Variants in CA10 observed in about 807,000 individuals in gnomAD.
The protein encoded by CA10 is carbonic anhydrase 10 (inactive), also known as carbonic anhydrase-related protein 10.
In CA10, 14 loss-of-function variants were observed where a neutral mutation model predicts 44.2. The observed-to-expected ratio is 0.32, with a 90% CI of 0.21 to 0.50. CA10 has a LOEUF of 0.50. Among genes scored for constraint, CA10 ranks in the 20% least tolerant of loss-of-function variants. The pLI, the probability that CA10 is intolerant of heterozygous loss-of-function variation, is 0.99. For missense variants in CA10, 350 were observed against 409.7 expected (o/e 0.85, Z 1.26); for synonymous variants, 159 against 141.6 (o/e 1.12, Z -0.87).
chr17:51,646,866 C>T lies in CA10; in HGVS notation c.634+2316G>A, dbSNP rs1329119458. Among the ~76,000 whole-genome samples, 3 of 152,216 alleles carry T rather than the reference C, an allele frequency of 2.0e-5. No homozygotes were observed. In the East Asian group the frequency reaches 5.8e-4, roughly 29 times the overall value. On this transcript the variant is annotated intron_variant, in intron 6 of 8. Transcript: ENST00000451037. ...CATCATTATTCCTGCAGTGCTGCTC[C>T]CTTCAGGTATGTGACAAAGGTCACT...
chr17:52,055,897 T>C (rs964504847), intron 2 of CA10, among the ~76,000 whole-genome samples: 1 of 152,094 alleles, frequency 6.6e-6, no homozygotes, highest in Admixed American at 6.6e-5. Flanking sequence ...CATAAAAGTA[T>C]TTATAATTGA....
Position 51,853,233 on chromosome 17 carries a change from G to A in CA10, c.279+77757C>T, listed in dbSNP as rs530593382. On this transcript the variant is annotated intron_variant, in intron 3 of 8. Coordinates refer to ENST00000451037, the MANE Select transcript of CA10 (RefSeq NM_020178.5). ...CTGCATAATAAACCCCACAGAAACTGCTAATCAGGAGTGGGGTGATTAAAT... is the reference window on the plus strand; with the variant it reads ...CTGCATAATAAACCCCACAGAAACTACTAATCAGGAGTGGGGTGATTAAAT... Among the ~76,000 whole-genome samples the A allele has an allele frequency of 1.1e-4, 16 of 152,312 alleles. 1 individual carries two copies. In the South Asian group the frequency reaches 2.5e-3, roughly 24 times the overall value.
chr17:51,774,858 A>T (rs1905755383), intron 3 of CA10, among the ~76,000 whole-genome samples: 1 of 152,182 alleles, frequency 6.6e-6, no homozygotes. Context: ...CCAGCCAGCC[A>T]GCCAAGATAC....
At chr17:51,710,783 C>T (rs577918022) in intron 4 of CA10, among the ~76,000 whole-genome samples, 1 of 152,214 alleles carries the variant, frequency 6.6e-6, no homozygotes, top group Admixed American at 6.5e-5. Flanking sequence ...GTGCCTGCAG[C>T]ACAGTCTCTT....
chr17:52,159,430 C>A (rs1431566753), upstream of CA10: 4 of 152,246 alleles, frequency 2.6e-5, no homozygotes, highest in African/African-American at 9.6e-5. Context: ...CCAGGAGGAT[C>A]CGGGACTATT....
chr17:51,679,160 A>G (rs2143382672), intron 4 of CA10, among the ~76,000 whole-genome samples: 1 of 152,294 alleles, frequency 6.6e-6, no homozygotes, highest in East Asian at 1.9e-4. Context: ...TGTGCATATG[A>G]ATCCTTTGGC....
intron 1 of CA10, among the ~76,000 whole-genome samples, chr17:52,108,673 C>T (rs1321138762): frequency 3.8e-5 from 5 of 131,452 alleles, no homozygotes; most frequent in Non-Finnish European, 7.8e-5. Flanking sequence ...GCACTCCAGC[C>T]TGGGTGACAG....
At chr17:51,970,624 T>C (rs1354064404) in intron 2 of CA10, among the ~76,000 whole-genome samples, 2 of 152,070 alleles carry the variant, frequency 1.3e-5, no homozygotes, top group Non-Finnish European at 2.9e-5. Flanking sequence ...TTAACTCGCA[T>C]GAGATAAGCA....
chr17:52,134,093 A>T (rs1989299325), intron 1 of CA10, among the ~76,000 whole-genome samples: 1 of 152,192 alleles, frequency 6.6e-6, no homozygotes, highest in South Asian at 2.1e-4. Context: ...CCCCAGTGCC[A>T]TCTTCACTCT....
At chr17:51,840,694 A>G (rs1978312445) in intron 3 of CA10, among the ~76,000 whole-genome samples, 2 of 152,172 alleles carry the variant, frequency 1.3e-5, no homozygotes, top group Admixed American at 1.3e-4. Context: ...CATGGATCAT[A>G]CAAGTACAGA....
intron 3 of CA10, among the ~76,000 whole-genome samples, chr17:51,796,673 G>A (rs1032274689): frequency 6.6e-6 from 1 of 152,168 alleles, no homozygotes. Flanking sequence ...TAGTTAGGGT[G>A]TCTGGAACTC....
chr17:51,631,711 G>A, intron 8 of CA10, 105 bp from the exon 9 acceptor site: 2 of 979,634 alleles, frequency 2.0e-6, no homozygotes, highest in Admixed American at 3.7e-5. Flanking sequence ...GAGGGGAAGG[G>A]ACTGTTTTGT....
chr17:51,685,697 G>T (rs968983395), intron 4 of CA10, among the ~76,000 whole-genome samples: 15 of 152,164 alleles, frequency 9.9e-5, no homozygotes, highest in African/African-American at 3.6e-4. Flanking sequence ...GAATTGGTTT[G>T]CATTACACTG....
At chr17:52,024,323 A>G (rs930083533) in intron 2 of CA10, among the ~76,000 whole-genome samples, 1 of 152,164 alleles carries the variant, frequency 6.6e-6, no homozygotes, top group Non-Finnish European at 1.5e-5. Context: ...ACATAGTCAC[A>G]TATGTGAAAT....
At chr17:52,155,094 CT>C (rs1172045301) in intron 1 of CA10, among the ~76,000 whole-genome samples, 1 of 152,206 alleles carries the variant, frequency 6.6e-6, no homozygotes, top group African/African-American at 2.4e-5. Context: ...CATTTTCCTT[CT>C]GTAAAGTGTT....
rs143532100 is a variant in CA10 at position 51,949,568 on chromosome 17, C to T, written c.137-18436G>A. 1.2e-3 allele frequency among the ~76,000 whole-genome samples: 185 copies of T among 152,254 alleles called. 5 individuals are homozygous for T. In the South Asian group the frequency reaches 0.023, roughly 19 times the overall value. ...TGTGGGTGAGGCTCTAAGGCACAGG[C>T]AAGGAGGTTAGTCTCTCACTGTGGC... is the stretch of plus-strand genomic sequence containing the variant. On this transcript the variant is annotated intron_variant, in intron 2 of 8. Transcript: ENST00000451037.
At chr17:51,979,816 G>A (rs993546971) in intron 2 of CA10, among the ~76,000 whole-genome samples, 1 of 152,072 alleles carries the variant, frequency 6.6e-6, no homozygotes, top group African/African-American at 2.4e-5. Context: ...CCAGAGATGA[G>A]TACCCAGCGC....
At chr17:52,118,741 T>C (rs1215394766) in intron 1 of CA10, among the ~76,000 whole-genome samples, 2 of 152,326 alleles carry the variant, frequency 1.3e-5, no homozygotes, top group East Asian at 1.9e-4. Context: ...AAGGTTGATA[T>C]TATGTTAAGT....
chr17:51,708,188 C>T (rs572697821), intron 4 of CA10, among the ~76,000 whole-genome samples: 200 of 152,178 alleles, frequency 1.3e-3, no homozygotes, highest in African/African-American at 4.6e-3. Flanking sequence ...GGAGGCAGAG[C>T]GAATAGAGAG....
Sources: gnomAD v4.1 joint callset for allele counts (sites outside exome capture counted in the v4.1 genomes callset) on GRCh38, gnomAD v4.1.1 for gene constraint, MANE v1.5 for transcripts, NCBI Gene and HGNC (gene_info 2026-07-23, HGNC 2026-07-21) for gene names.